The following IPO5 variants were observed in gnomAD, a reference collection of about 807,000 sequenced individuals.
IPO5 encodes importin 5.
In IPO5, 18 loss-of-function variants were observed where a neutral mutation model predicts 143.3. The observed-to-expected ratio is 0.13, with a 90% CI of 0.09 to 0.19. The LOEUF (loss-of-function observed/expected upper bound fraction) is 0.19, where lower values mean the gene tolerates loss of function less well. Among genes scored for constraint, IPO5 ranks in the 10% least tolerant of loss-of-function variants. The pLI, the probability that IPO5 is intolerant of heterozygous loss-of-function variation, is 1.00. For synonymous variants in IPO5, 477 were observed against 465.7 expected (o/e 1.02, Z -0.31); for missense variants, 1,013 against 1,336.9 (o/e 0.76, Z 3.78).
At chr13:98,001,482 C>T (rs1250679394) in intron 13 of IPO5, among the ~76,000 whole-genome samples, 2 of 152,042 alleles carry the variant, frequency 1.3e-5, no homozygotes, top group African/African-American at 2.4e-5. Context: ...CATGCCACCA[C>T]GCCCAGCTAT....
chr13:97,987,564 G>C (rs1887475278), intron 6 of IPO5, among the ~76,000 whole-genome samples: 1 of 152,152 alleles, frequency 6.6e-6, no homozygotes, highest in Admixed American at 6.5e-5. Context: ...CTGTTGCCCA[G>C]GCTTGAGTAC....
At chr13:98,008,821 T>C (rs981452866) in intron 18 of IPO5, among the ~76,000 whole-genome samples, 1 of 152,250 alleles carries the variant, frequency 6.6e-6, no homozygotes, top group Non-Finnish European at 1.5e-5. Context: ...GTATTCCCAA[T>C]GCCTAACATA....
intron 25 of IPO5, 74 bp from the exon 26 acceptor site, chr13:98,018,411 G>A (rs1890261101): frequency 1.8e-6 from 2 of 1,094,452 alleles, no homozygotes; most frequent in Non-Finnish European, 2.7e-6. Flanking sequence ...TAAGCAGATA[G>A]TCTATAGTGA....
At chr13:98,007,562 G>C (rs1366082346) in intron 17 of IPO5, 1 of 152,468 alleles carries the variant, frequency 6.6e-6, no homozygotes, top group East Asian at 1.9e-4. Context: ...ACTGGTTTCT[G>C]TGAGACGCTG....
At chr13:97,969,163 A>AT (rs1885592857) in intron 2 of IPO5, among the ~76,000 whole-genome samples, 2 of 69,048 alleles carry the variant, frequency 2.9e-5, no homozygotes, top group Admixed American at 2.7e-4. Context: ...GTATATATAT[A>AT]TATATATATA....
chr13:97,969,176 T>TATATATATATATA (rs1491240999), intron 2 of IPO5, among the ~76,000 whole-genome samples: 16 of 31,664 alleles, frequency 5.1e-4, no homozygotes, highest in Admixed American at 9.7e-4. Context: ...TATATATATA[T>TATATATATATATA]TTTTTTTTTT....
intron 1 of IPO5, 66 bp from the exon 2 acceptor site, chr13:97,954,053 G>A: frequency 2.9e-6 from 1 of 350,220 alleles, no homozygotes; most frequent in Non-Finnish European, 5.8e-6. Context: ...AAGAATGTGG[G>A]TTATTATCCT....
At chr13:98,005,500 T>C (rs1216823951) in intron 16 of IPO5, among the ~76,000 whole-genome samples, 1 of 151,950 alleles carries the variant, frequency 6.6e-6, no homozygotes, top group Non-Finnish European at 1.5e-5. Flanking sequence ...AGTCCTGGGA[T>C]TACAGAAGAA....
chr13:98,006,855 T>G (rs1889299161), intron 17 of IPO5, among the ~76,000 whole-genome samples: 1 of 151,080 alleles, frequency 6.6e-6, no homozygotes, highest in Non-Finnish European at 1.5e-5. Context: ...TGTTTGTTTG[T>G]TTGGTTTGGT....
intron 12 of IPO5, among the ~76,000 whole-genome samples, chr13:97,998,940 C>T (rs1265128531): frequency 2.0e-5 from 3 of 152,032 alleles, no homozygotes; most frequent in Admixed American, 6.6e-5. Context: ...GTCAGGAGTT[C>T]GAGACCAGCC....
intron 9 of IPO5, among the ~76,000 whole-genome samples, chr13:97,991,538 C>A (rs1162115852): frequency 6.6e-6 from 1 of 152,188 alleles, no homozygotes; most frequent in East Asian, 1.9e-4. Flanking sequence ...ATCTCAAAAT[C>A]TTTTCAAATT....
chr13:98,016,192 T>C (rs1890112363), intron 24 of IPO5, among the ~76,000 whole-genome samples: 2 of 152,180 alleles, frequency 1.3e-5, no homozygotes, highest in Non-Finnish European at 2.9e-5. Context: ...TCAAACCACC[T>C]AGGACTGTCA....
intron 27 of IPO5, 168 bp downstream of exon 27, chr13:98,019,977 A>C: frequency 1.8e-6 from 1 of 546,722 alleles, no homozygotes; most frequent in Non-Finnish European, 3.2e-6. Flanking sequence ...AAACCATATC[A>C]CAGTTAACAT....
At chr13:98,000,295 A>G (rs1434046512) in intron 12 of IPO5, among the ~76,000 whole-genome samples, 1 of 152,098 alleles carries the variant, frequency 6.6e-6, no homozygotes, top group Non-Finnish European at 1.5e-5. Flanking sequence ...AAAAAAAAAA[A>G]AGAAAAATAA....
intron 16 of IPO5, among the ~76,000 whole-genome samples, chr13:98,004,604 G>T (rs555596457): frequency 6.6e-6 from 1 of 152,278 alleles, no homozygotes; most frequent in Admixed American, 6.5e-5. Flanking sequence ...GGGATGGGAT[G>T]GTAGGAGGAC....
intron 27 of IPO5, 80 bp downstream of exon 27, chr13:98,019,889 A>G: frequency 1.1e-6 from 1 of 880,040 alleles, no homozygotes; most frequent in South Asian, 1.4e-5. Context: ...CAGTCTTTTA[A>G]GGTTTAACCA....
At position 98,022,824 on chromosome 13, in the gene IPO5, T is replaced by A. The variant is rs1307542975; in HGVS notation, c.*1002T>A. The A allele has an allele frequency of 6.6e-6, 1 of 152,644 alleles. No individual in the cohort carries two copies. Among genetic ancestry groups the A allele is most frequent in the Admixed American group, 6.5e-5 (1 of 15,284 alleles). 9.5% of individuals were successfully genotyped at this position (152,644 alleles called of 1,614,324 possible). A position where few individuals can be genotyped will look rare whatever the true frequency, so the allele number is the denominator to read the frequency against. ...TTGCTGTAGAGCCACACACAACTTT[T>A]GAACTTTTAATTATAAGTGTTATGG... On this transcript the variant is annotated 3_prime_UTR_variant, in exon 29 of 29. Transcript: ENST00000651721.
rs941635475 is a variant in IPO5 at position 97,971,675 on chromosome 13, G to A, written c.-5+1845G>A. The stretch of plus-strand genomic sequence containing the variant: ...AGTAATTACTTGTTTAAGGCCAGGC[G>A]CGGTGGCTCAAGCCTGTAACCCCAG... On this transcript the variant is annotated intron_variant, in intron 3 of 28. Coordinates refer to ENST00000651721, the MANE Select transcript of IPO5 (RefSeq NM_002271.6). Among the ~76,000 whole-genome samples the A allele has an allele frequency of 7.2e-5, 11 of 152,062 alleles. 1 individual carries two copies. In the East Asian group the frequency reaches 1.3e-3, roughly 19 times the overall value.
At chr13:98,015,203 C>T (rs141846958) in intron 22 of IPO5, among the ~76,000 whole-genome samples, 85 of 150,014 alleles carry the variant, frequency 5.7e-4, no homozygotes, top group African/African-American at 2.0e-3. Context: ...GTTGTGTGTA[C>T]GGAGTATGGA....
Sources: allele counts gnomAD v4.1 joint callset (sites outside exome capture counted in the v4.1 genomes callset), GRCh38; gene constraint gnomAD v4.1.1; transcripts MANE v1.5; gene names NCBI Gene and HGNC (gene_info 2026-07-23, HGNC 2026-07-21).